The following PKNOX1 variants were observed in gnomAD, a reference collection of about 807,000 sequenced individuals.
PKNOX1 encodes PBX/knotted 1 homeobox 1, also known as homeobox protein PKNOX1.
PKNOX1 carries 15 observed loss-of-function variants against 51.9 expected under a neutral mutation model. The observed-to-expected ratio is 0.29, with a 90% CI of 0.19 to 0.45. The LOEUF (loss-of-function observed/expected upper bound fraction) is 0.45, where lower values mean the gene tolerates loss of function less well. Ranked by LOEUF, PKNOX1 falls within the 20% of genes least tolerant of loss-of-function variation. The pLI is 1.00. For synonymous variants in PKNOX1, 219 were observed against 211.1 expected (o/e 1.04, Z -0.32); for missense variants, 462 against 547.5 (o/e 0.84, Z 1.56).
intron 5 of PKNOX1, among the ~76,000 whole-genome samples, chr21:43,015,063 C>A (rs550978193): frequency 6.6e-6 from 1 of 152,340 alleles, no homozygotes; most frequent in East Asian, 1.9e-4. Flanking sequence ...TAGTTTTTGA[C>A]ACATAAGTTG....
chr21:43,018,035 T>C, intron 6 of PKNOX1, 98 bp from the exon 7 acceptor site: 1 of 631,728 alleles, frequency 1.6e-6, no homozygotes. Flanking sequence ...CAAAGCAATG[T>C]CCCTGTCTCT....
At chr21:43,022,714 G>T (rs956138961) in intron 8 of PKNOX1, among the ~76,000 whole-genome samples, 5 of 152,178 alleles carry the variant, frequency 3.3e-5, no homozygotes, top group Admixed American at 1.3e-4. Flanking sequence ...TTGTGTGTAA[G>T]AATGTTAGTG....
intron 1 of PKNOX1, among the ~76,000 whole-genome samples, chr21:42,998,199 A>C (rs1474746054): frequency 6.6e-6 from 1 of 152,226 alleles, no homozygotes; most frequent in Non-Finnish European, 1.5e-5. Flanking sequence ...GGATGGCAGC[A>C]GGCAAAGAGA....
chr21:43,021,476 G>C lies in PKNOX1; in HGVS notation c.849+45G>C. On this transcript the variant is annotated intron_variant, in intron 8 of 10. Coordinates refer to ENST00000291547, the MANE Select transcript of PKNOX1 (RefSeq NM_004571.5). This position sits in a 1 kb window ranked among gnomAD's most constrained non-coding sequence, Gnocchi z 4.6. ...CCCTTGCCTTGCAGCCCTCTGCGAC[G>C]CTTGCTCTCTGGCTTATGTGTCATG... is the stretch of plus-strand genomic sequence containing the variant. 6.5e-7 allele frequency: 1 copy of C among 1,543,698 alleles called. No individual in the cohort carries two copies. Among genetic ancestry groups the C allele is most frequent in the Non-Finnish European group, 8.8e-7 (1 of 1,142,366 alleles).
chr21:43,017,145 G>A, intron 6 of PKNOX1, 138 bp downstream of exon 6: 2 of 508,916 alleles, frequency 3.9e-6, no homozygotes, highest in South Asian at 6.5e-5. Context: ...AGAGGTCTCT[G>A]AATGCCTCTT....
intron 1 of PKNOX1, among the ~76,000 whole-genome samples, chr21:42,981,816 T>C (rs574611276): frequency 1.3e-5 from 2 of 152,138 alleles, no homozygotes; most frequent in Non-Finnish European, 2.9e-5. Context: ...TGACTTCAAG[T>C]TGGGTGGGTG....
Position 43,030,126 on chromosome 21 carries a change from T to G in PKNOX1, c.*25T>G. 4 of 1,533,986 alleles carry G rather than the reference T, an allele frequency of 2.6e-6. No homozygotes were observed. Among genetic ancestry groups the G allele is most frequent in the Non-Finnish European group, 3.6e-6 (4 of 1,125,066 alleles). On this transcript the variant is annotated 3_prime_UTR_variant, in exon 11 of 11. Coordinates refer to ENST00000291547, the MANE Select transcript of PKNOX1 (RefSeq NM_004571.5). Reference sequence around the variant, plus strand: ...GGGGCAGGAGCAGACGCACCTGACTTTTTGGAGTTTGCACAGCAAACATTT... The same window carrying G: ...GGGGCAGGAGCAGACGCACCTGACTGTTTGGAGTTTGCACAGCAAACATTT...
intron 1 of PKNOX1, 111 bp from the exon 2 acceptor site, chr21:43,004,215 C>T (rs908442599): frequency 1.9e-6 from 1 of 524,108 alleles, no homozygotes; most frequent in Non-Finnish European, 3.6e-6. Flanking sequence ...CCAGCCTGGG[C>T]AACAAGAGTG....
Position 43,021,701 on chromosome 21 carries a change from GGTGAGCCAGAAAA to G in PKNOX1, c.849+274_849+286del, listed in dbSNP as rs1052451110. On this transcript the variant is annotated intron_variant, in intron 8 of 10. Transcript: ENST00000291547. The surrounding 1 kb of genome is among the most constrained non-coding windows in gnomAD (Gnocchi z 4.6). ...CCCACCACGAAGGGTGATGGGGTCA[GGTGAGCCAGAAAA>G]GTGGGCAGAGAAGGGATGTTCTTGG... Among the ~76,000 whole-genome samples the G allele has an allele frequency of 3.3e-5, 5 of 152,252 alleles. No individual in the cohort carries two copies. The highest frequency in any genetic ancestry group is 1.2e-4 in the African/African-American group (5 of 41,462).
intron 1 of PKNOX1, among the ~76,000 whole-genome samples, chr21:43,000,740 C>G (rs1792178270): frequency 6.6e-6 from 1 of 152,014 alleles, no homozygotes; most frequent in African/African-American, 2.4e-5. Flanking sequence ...TTTAAAAAGC[C>G]AGCATGGTGG....
At chr21:43,025,528 C>T (rs767221237) in intron 9 of PKNOX1, among the ~76,000 whole-genome samples, 6 of 152,194 alleles carry the variant, frequency 3.9e-5, no homozygotes, top group Non-Finnish European at 7.3e-5. Flanking sequence ...TAAAACGTCC[C>T]CTTCTAGTCC....
rs1980221781 is a variant in PKNOX1 at position 43,030,593 on chromosome 21, C to CTGG, written c.*492_*493insTGG. ...TGTGGTTTCGTCGTGAGTGGATGGA[C>CTGG]GGCAAGCTTAGCAAGCCTAAGTCCC... On this transcript the variant is annotated 3_prime_UTR_variant, in exon 11 of 11. Coordinates refer to ENST00000291547, the MANE Select transcript of PKNOX1 (RefSeq NM_004571.5). 6.5e-6 allele frequency: 1 copy of CTGG among 152,720 alleles called. No individual in the cohort carries two copies. The highest frequency in any genetic ancestry group is 1.5e-5 in the Non-Finnish European group (1 of 68,134). 9.5% of individuals were successfully genotyped at this position (152,720 alleles called of 1,614,324 possible). A position where few individuals can be genotyped will look rare whatever the true frequency, so the allele number is the denominator to read the frequency against.
At position 43,007,565 on chromosome 21, in the gene PKNOX1, TC is replaced by T; in HGVS notation, c.131del (p.Pro44LeufsTer24). On this transcript the variant is annotated frameshift_variant, in exon 3 of 11. Transcript: ENST00000291547. LOFTEE classifies it high-confidence loss of function. ...AACCCGATGCAGAAGGAGTGAGCCC[TC>T]CCCCTGTGGAGTCTCAGACCCCGAT... The part of the protein sequence containing the change: ...SEPDAEGVSP[P>X]PVESQTPMDV... 6.2e-7 allele frequency: 1 copy of T among 1,613,558 alleles called. No individual in the cohort carries two copies. Among genetic ancestry groups the T allele is most frequent in the Non-Finnish European group, 8.5e-7 (1 of 1,179,566 alleles).
intron 3 of PKNOX1, among the ~76,000 whole-genome samples, chr21:43,009,620 A>AAG (rs1277646890): frequency 2.7e-5 from 4 of 150,014 alleles, no homozygotes; most frequent in Admixed American, 2.7e-4. Context: ...CAAAAAAAAA[A>AAG]AAAAAAAAAA....
At chr21:43,002,188 T>G (rs896633086) in intron 1 of PKNOX1, among the ~76,000 whole-genome samples, 30 of 152,078 alleles carry the variant, frequency 2.0e-4, no homozygotes, top group Non-Finnish European at 2.9e-5. Context: ...ACAGTTACCC[T>G]CTACATGTAC....
At chr21:43,012,997 G>A (rs1279526911) in intron 4 of PKNOX1, 71 bp from the exon 5 acceptor site, 2 of 1,226,954 alleles carry the variant, frequency 1.6e-6, no homozygotes, top group African/African-American at 3.0e-5. Context: ...CTAAGAACTG[G>A]TATGTAGGAT....
In PKNOX1 at chr21:42,986,228, C is replaced by T. The variant is rs150104590; in HGVS notation, c.-57+11564C>T. ...TTTGAAAAATAAAGTGATGGCTGGG[C>T]GCAGTGGCTCATGCCTGTAATTCCA... On this transcript the variant is annotated intron_variant, in intron 1 of 10. Transcript: ENST00000291547. 3.1e-4 allele frequency among the ~76,000 whole-genome samples: 47 copies of T among 152,192 alleles called. 1 individual carries two copies. The highest frequency in any genetic ancestry group is 1.7e-3 in the East Asian group (9 of 5,182).
At chr21:42,999,585 A>G (rs1296847619) in intron 1 of PKNOX1, among the ~76,000 whole-genome samples, 1 of 152,024 alleles carries the variant, frequency 6.6e-6, no homozygotes, top group Non-Finnish European at 1.5e-5. Flanking sequence ...GGTTCAAACA[A>G]TTCTCCCGCC....
chr21:43,022,794 A>G (rs888167497), intron 8 of PKNOX1, among the ~76,000 whole-genome samples: 9 of 152,164 alleles, frequency 5.9e-5, no homozygotes, highest in Non-Finnish European at 1.2e-4. Flanking sequence ...GGAGTATCAT[A>G]TGCATAGTTA....
Sources: allele counts gnomAD v4.1 joint callset (sites outside exome capture counted in the v4.1 genomes callset), GRCh38; gene constraint gnomAD v4.1.1; non-coding constraint Gnocchi (gnomAD v3.1); transcripts MANE v1.5; gene names NCBI Gene and HGNC (gene_info 2026-07-23, HGNC 2026-07-21).